CALN1: variants seen among roughly 807,000 people sequenced by gnomAD.
The protein encoded by CALN1 is calcium-binding protein 8.
CALN1 carries 17 observed loss-of-function variants against 30.6 expected under a neutral mutation model. The observed-to-expected ratio is 0.56, with a 90% CI of 0.38 to 0.83. The LOEUF (loss-of-function observed/expected upper bound fraction) is 0.83, where lower values mean the gene tolerates loss of function less well. Among genes scored for constraint, CALN1 ranks in the 40% least tolerant of loss-of-function variants. The pLI, the probability that CALN1 is intolerant of heterozygous loss-of-function variation, is 0.00. For missense variants in CALN1, 291 were observed against 354.9 expected (o/e 0.82, Z 1.45); for synonymous variants, 156 against 131.4 (o/e 1.19, Z -1.28).
intron 5 of CALN1, among the ~76,000 whole-genome samples, chr7:72,020,904 A>G (rs1385250224): frequency 6.6e-6 from 1 of 152,156 alleles, no homozygotes; most frequent in African/African-American, 2.4e-5. Context: ...GGCCAGAAAG[A>G]AGAATGCTTA....
intron 5 of CALN1, among the ~76,000 whole-genome samples, chr7:71,923,920 T>C (rs1404327598): frequency 2.6e-5 from 4 of 152,082 alleles, no homozygotes; most frequent in South Asian, 2.1e-4. Flanking sequence ...GGGCTGGGCA[T>C]AGTGGCTCAC....
At chr7:71,994,939 G>A (rs1431492181) in intron 5 of CALN1, among the ~76,000 whole-genome samples, 6 of 147,710 alleles carry the variant, frequency 4.1e-5, no homozygotes, top group Admixed American at 7.0e-5. Flanking sequence ...TGCAGGCTCC[G>A]CCTCCCAGGT....
chr7:72,214,056 T>C (rs934108819), intron 3 of CALN1, among the ~76,000 whole-genome samples: 1 of 152,162 alleles, frequency 6.6e-6, no homozygotes. Context: ...CCCCAGCAAG[T>C]GCACCAATCT....
At chr7:72,408,242 G>T (rs866431109) in intron 1 of CALN1, among the ~76,000 whole-genome samples, 2 of 149,298 alleles carry the variant, frequency 1.3e-5, no homozygotes, top group Middle Eastern at 3.4e-3. Context: ...AGCCCAGCCT[G>T]GCCAACATGG....
intron 5 of CALN1, among the ~76,000 whole-genome samples, chr7:71,902,252 CCAACCAACCAACCAAT>C (rs1457428523): frequency 4.5e-5 from 6 of 132,968 alleles, no homozygotes; most frequent in African/African-American, 9.3e-5. Flanking sequence ...AACCAACCAA[CCAACCAACCAACCAAT>C]CAAAAAAAAA....
At chr7:72,403,525 A>G in intron 1 of CALN1, 83 bp from the exon 2 acceptor site, 1 of 541,716 alleles carries the variant, frequency 1.8e-6, no homozygotes, top group Non-Finnish European at 3.2e-6. Flanking sequence ...AATAATTCAC[A>G]CCCTCCCTTC....
intron 3 of CALN1, among the ~76,000 whole-genome samples, chr7:72,260,654 C>T (rs115091263): frequency 1.3e-3 from 198 of 152,176 alleles, no homozygotes; most frequent in African/African-American, 4.6e-3. Flanking sequence ...CACCTGAAAC[C>T]CTCAAGTTTT....
intron 2 of CALN1, among the ~76,000 whole-genome samples, chr7:72,356,965 T>G (rs964376018): frequency 2.0e-5 from 3 of 151,980 alleles, no homozygotes; most frequent in African/African-American, 2.4e-5. Context: ...GCTTTGGTTT[T>G]GTTTTGTTTT....
chr7:72,300,907 C>T (rs1024428143), intron 2 of CALN1, among the ~76,000 whole-genome samples: 7 of 151,976 alleles, frequency 4.6e-5, no homozygotes, highest in African/African-American at 7.3e-5. Flanking sequence ...GCAGGAGAAT[C>T]GTTTGAACCC....
intron 5 of CALN1, among the ~76,000 whole-genome samples, chr7:71,974,190 G>A (rs931753300): frequency 6.6e-6 from 1 of 152,122 alleles, no homozygotes; most frequent in Admixed American, 6.6e-5. Flanking sequence ...GGCCGAGGCA[G>A]GTGGATCACC....
At chr7:71,922,879 CAT>C (rs932880085) in intron 5 of CALN1, among the ~76,000 whole-genome samples, 10 of 98,584 alleles carry the variant, frequency 1.0e-4, no homozygotes, top group East Asian at 5.8e-4. Context: ...AATATATAAA[CAT>C]ATATATTAAT....
chr7:72,350,110 G>T (rs550452756), intron 2 of CALN1, among the ~76,000 whole-genome samples: 2 of 152,190 alleles, frequency 1.3e-5, no homozygotes, highest in South Asian at 2.1e-4. Context: ...AGCTAGAATT[G>T]ATTTTTGCAT....
intron 6 of CALN1, among the ~76,000 whole-genome samples, chr7:71,798,158 A>G (rs562138757): frequency 4.8e-5 from 7 of 144,940 alleles, no homozygotes; most frequent in Admixed American, 1.4e-4. Context: ...AGAGAGAGAG[A>G]GAGAGAGAGA....
intron 6 of CALN1, among the ~76,000 whole-genome samples, chr7:71,797,367 A>G (rs552274385): frequency 1.7e-4 from 26 of 152,336 alleles, no homozygotes; most frequent in African/African-American, 6.0e-4. Flanking sequence ...TGATCCTTCC[A>G]GTTCTGATAT....
At chr7:72,301,043 A>T (rs553295173) in intron 2 of CALN1, among the ~76,000 whole-genome samples, 1 of 152,140 alleles carries the variant, frequency 6.6e-6, no homozygotes. Flanking sequence ...GGGAAAGACC[A>T]TCATTGGCCC....
chr7:72,502,840 T>C, the CALN1 span, among the ~76,000 whole-genome samples: 1 of 152,174 alleles, frequency 6.6e-6, no homozygotes, highest in South Asian at 2.1e-4. Context: ...TTTCCTTTGC[T>C]TGTTTTCTAT....
the CALN1 span, among the ~76,000 whole-genome samples, chr7:72,453,839 T>A: frequency 6.6e-6 from 1 of 152,180 alleles, no homozygotes; most frequent in Non-Finnish European, 1.5e-5. Flanking sequence ...AAAGGAATTA[T>A]AAGAGAGAGT....
intron 2 of CALN1, among the ~76,000 whole-genome samples, chr7:72,392,102 C>T (rs948046254): frequency 6.6e-6 from 1 of 152,202 alleles, no homozygotes; most frequent in African/African-American, 2.4e-5. Context: ...CTTCTTACAA[C>T]CCAGATACCA....
the CALN1 span, among the ~76,000 whole-genome samples, chr7:72,483,525 T>C: frequency 2.6e-5 from 4 of 152,280 alleles, no homozygotes; most frequent in African/African-American, 9.6e-5. Flanking sequence ...CCTCAGGTGA[T>C]CCACCTGCCT....
Sources: allele counts gnomAD v4.1 joint callset (sites outside exome capture counted in the v4.1 genomes callset), GRCh38; gene constraint gnomAD v4.1.1; transcripts MANE v1.5; gene names NCBI Gene and HGNC (gene_info 2026-07-23, HGNC 2026-07-21).